Variants in ABHD2 observed in about 807,000 individuals in gnomAD.
ABHD2 encodes abhydrolase domain containing 2, acylglycerol lipase.
In ABHD2, 20 loss-of-function variants were observed where a neutral mutation model predicts 48.1. The observed-to-expected ratio is 0.42, with a 90% CI of 0.29 to 0.60. The LOEUF (loss-of-function observed/expected upper bound fraction) is 0.60, where lower values mean the gene tolerates loss of function less well. ABHD2 is among the 20% of genes least tolerant of loss of function. The probability of loss-of-function intolerance (pLI) is 0.24; values close to 1 mark genes in which losing one functional copy is unlikely to be tolerated. For missense variants in ABHD2, 405 were observed against 550.9 expected, an observed-to-expected ratio of 0.74 and a Z score of 2.65; for synonymous variants, 209 against 214.2, an observed-to-expected ratio of 0.98 and a Z score of 0.21.
At position 89,091,125 on chromosome 15, in the gene ABHD2, T is replaced by C. The variant is rs550011351; in HGVS notation, c.-107+2562T>C. Among the ~76,000 whole-genome samples the C allele has an allele frequency of 4.0e-3, 612 of 152,334 alleles. 3 individuals are homozygous for C. Among genetic ancestry groups the C allele is most frequent in the African/African-American group, 0.014 (589 of 41,574 alleles). ...CAGGGTCGTTCACTTTTTTCCCTTT[T>C]TACTCTCACCTTCATTTCCTTTATC... On this transcript the variant is annotated intron_variant, in intron 1 of 10. Transcript: ENST00000352732. The surrounding 1 kb of genome is among the most constrained non-coding windows in gnomAD (Gnocchi z 5.5).
the ABHD2 span, among the ~76,000 whole-genome samples, chr15:89,046,012 A>C: frequency 6.6e-6 from 1 of 152,324 alleles, no homozygotes; most frequent in East Asian, 1.9e-4. Flanking sequence ...TTGCCCATTC[A>C]GTATGATATT....
At chr15:89,150,798 A>G (rs182704406) in intron 3 of ABHD2, among the ~76,000 whole-genome samples, 86 of 152,364 alleles carry the variant, frequency 5.6e-4, no homozygotes, top group Non-Finnish European at 1.0e-3. Context: ...TCCAGTTTAT[A>G]TAGGAGACAA....
chr15:89,048,005 C>T, the ABHD2 span, among the ~76,000 whole-genome samples: 1 of 151,648 alleles, frequency 6.6e-6, no homozygotes, highest in Non-Finnish European at 1.5e-5. Context: ...ATGGTCTTTA[C>T]ATTTTGGGCA....
At chr15:89,047,364 G>A in the ABHD2 span, among the ~76,000 whole-genome samples, 1 of 152,012 alleles carries the variant, frequency 6.6e-6, no homozygotes, top group South Asian at 2.1e-4. Flanking sequence ...TGAAAAAAAT[G>A]TATATTCTGT....
At position 89,199,696 on chromosome 15, in the gene ABHD2, AT is replaced by A. The variant is rs1289675953; in HGVS notation, c.*4275del. ...ACTCTGTTGTTCAAAGCCACTTTGG[AT>A]TGCTTGGATGCTTCGAACAGCCATG... is the stretch of plus-strand genomic sequence containing the variant. On this transcript the variant is annotated 3_prime_UTR_variant, in exon 11 of 11. Transcript: ENST00000352732. The surrounding 1 kb of genome is among the most constrained non-coding windows in gnomAD (Gnocchi z 4.1). 1 of 151,084 alleles carries A rather than the reference AT, an allele frequency of 6.6e-6. No individual in the cohort carries two copies. Among genetic ancestry groups the A allele is most frequent in the Non-Finnish European group, 1.5e-5 (1 of 67,922 alleles). 9.4% of individuals were successfully genotyped at this position (151,084 alleles called of 1,614,324 possible). A position where few individuals can be genotyped will look rare whatever the true frequency, so the allele number is the denominator to read the frequency against.
intron 3 of ABHD2, among the ~76,000 whole-genome samples, chr15:89,147,395 C>T (rs965014869): frequency 6.4e-4 from 92 of 144,288 alleles, no homozygotes; most frequent in Non-Finnish European, 1.0e-3. Context: ...GCTCTTTCGC[C>T]CAGGCTGGAG....
At chr15:89,118,169 T>C (rs2049991468) in intron 3 of ABHD2, among the ~76,000 whole-genome samples, 1 of 152,152 alleles carries the variant, frequency 6.6e-6, no homozygotes, top group Non-Finnish European at 1.5e-5. Context: ...TAGTCATATT[T>C]TGAATGTTTC....
In ABHD2 at chr15:89,102,242, ACCT is replaced by A. The variant is rs1188193455; in HGVS notation, c.-106-11479_-106-11477del. 2.6e-5 allele frequency among the ~76,000 whole-genome samples: 4 copies of A among 151,236 alleles called. No homozygotes were observed. The highest frequency in any genetic ancestry group is 1.3e-4 in the Admixed American group (2 of 15,214). On this transcript the variant is annotated intron_variant, in intron 1 of 10. Coordinates refer to ENST00000352732, the MANE Select transcript of ABHD2 (RefSeq NM_152924.5). This position sits in a 1 kb window ranked among gnomAD's most constrained non-coding sequence, Gnocchi z 4.8. ...TCCAGTGGTTCCCAGCTTTGAGTCC[ACCT>A]CCTTCTTCTTTCTGCCTCCTTTGTT...
At chr15:89,076,803 A>G in the ABHD2 span, among the ~76,000 whole-genome samples, 1 of 152,112 alleles carries the variant, frequency 6.6e-6, no homozygotes, top group Non-Finnish European at 1.5e-5. Context: ...TTTCATTTGG[A>G]TGCTAATAAG....
At chr15:89,099,330 G>A (rs1000148780) in intron 1 of ABHD2, among the ~76,000 whole-genome samples, 24 of 152,150 alleles carry the variant, frequency 1.6e-4, no homozygotes, top group Non-Finnish European at 2.5e-4. Context: ...AGGCTCAGTG[G>A]CTCATACCTG....
rs2050031183 is a variant in ABHD2, at chr15:89,120,429, T to C, written c.194+3908T>C. ...AAAAACTTTGATGCATATTCATTTT[T>C]TTAAATGGAAAAGGTAGAGCACACA... On this transcript the variant is annotated intron_variant, in intron 3 of 10. Coordinates refer to ENST00000352732, the MANE Select transcript of ABHD2 (RefSeq NM_152924.5). This position sits in a 1 kb window ranked among gnomAD's most constrained non-coding sequence, Gnocchi z 4.2. Among the ~76,000 whole-genome samples the C allele has an allele frequency of 6.6e-6, 1 of 152,222 alleles. No individual in the cohort carries two copies. Among genetic ancestry groups the C allele is most frequent in the African/African-American group, 2.4e-5 (1 of 41,448 alleles).
chr15:89,108,978 A>G (rs2049830696), intron 1 of ABHD2, among the ~76,000 whole-genome samples: 1 of 152,108 alleles, frequency 6.6e-6, no homozygotes, highest in African/African-American at 2.4e-5. Context: ...TAACCTTCTC[A>G]TTTTACAGAT....
chr15:89,058,279 C>T, the ABHD2 span, among the ~76,000 whole-genome samples: 1 of 152,122 alleles, frequency 6.6e-6, no homozygotes, highest in Non-Finnish European at 1.5e-5. Context: ...GTGGATACTC[C>T]AGCTCACACA....
the ABHD2 span, among the ~76,000 whole-genome samples, chr15:89,055,056 T>G: frequency 6.6e-6 from 1 of 151,866 alleles, no homozygotes; most frequent in Non-Finnish European, 1.5e-5. Context: ...CAAGACCCCA[T>G]CTCTATGGCG....
chr15:89,055,611 A>G, the ABHD2 span, among the ~76,000 whole-genome samples: 1 of 152,192 alleles, frequency 6.6e-6, no homozygotes, highest in African/African-American at 2.4e-5. Flanking sequence ...CTGGGATTAC[A>G]GCCTACTAGT....
Position 89,196,137 on chromosome 15 carries a change from A to G in ABHD2, c.*714A>G, listed in dbSNP as rs1336040727. 6.6e-6 allele frequency: 1 copy of G among 152,418 alleles called. No homozygotes were observed. The highest frequency in any genetic ancestry group is 1.5e-5 in the Non-Finnish European group (1 of 68,032). 9.4% of individuals were successfully genotyped at this position (152,418 alleles called of 1,614,324 possible). A position where few individuals can be genotyped will look rare whatever the true frequency, so the allele number is the denominator to read the frequency against. The stretch of plus-strand genomic sequence containing the variant: ...TTTTAATTTTTCACAAGTGCCCCAG[A>G]TGATTCTCATCACCAAGCAAATTTT... On this transcript the variant is annotated 3_prime_UTR_variant, in exon 11 of 11. Coordinates refer to ENST00000352732, the MANE Select transcript of ABHD2 (RefSeq NM_152924.5).
At chr15:89,054,603 C>A in the ABHD2 span, among the ~76,000 whole-genome samples, 1 of 151,990 alleles carries the variant, frequency 6.6e-6, no homozygotes, top group Non-Finnish European at 1.5e-5. Flanking sequence ...ATCGTTTGAA[C>A]CCAGCAGAGG....
intron 1 of ABHD2, among the ~76,000 whole-genome samples, chr15:89,112,678 C>T (rs1323492183): frequency 6.6e-6 from 1 of 152,216 alleles, no homozygotes; most frequent in Non-Finnish European, 1.5e-5. Flanking sequence ...CTGCTGTTTA[C>T]AGCTGTCTGA....
At chr15:89,128,346 C>G (rs2050167939) in intron 3 of ABHD2, among the ~76,000 whole-genome samples, 1 of 152,212 alleles carries the variant, frequency 6.6e-6, no homozygotes. Flanking sequence ...TGGCAGAAAA[C>G]TGGCTTTGCT....
Sources: gnomAD v4.1 joint callset for allele counts (sites outside exome capture counted in the v4.1 genomes callset) on GRCh38, gnomAD v4.1.1 for gene constraint, Gnocchi (gnomAD v3.1) non-coding constraint, MANE v1.5 for transcripts, NCBI Gene and HGNC (gene_info 2026-07-23, HGNC 2026-07-21) for gene names.